SGCD: variants seen among roughly 807,000 people sequenced by gnomAD.
SGCD encodes the protein delta-sarcoglycan.
A neutral mutation model predicts 36.6 loss-of-function variants in SGCD; 18 were observed. The ratio of observed to expected loss-of-function variants is 0.49; its 90% CI spans 0.34 to 0.73. The LOEUF (loss-of-function observed/expected upper bound fraction) is 0.73, where lower values mean the gene tolerates loss of function less well. Among genes scored for constraint, SGCD ranks in the 30% least tolerant of loss-of-function variants. The pLI, the probability that SGCD is intolerant of heterozygous loss-of-function variation, is 0.01. For missense variants in SGCD, 387 were observed against 346.7 expected (o/e 1.12, Z -0.92); for synonymous variants, 133 against 130.6 (o/e 1.02, Z -0.12).
intron 7 of SGCD, among the ~76,000 whole-genome samples, chr5:156,650,657 G>A (rs920086550): frequency 6.6e-6 from 1 of 152,096 alleles, no homozygotes; most frequent in African/African-American, 2.4e-5. Flanking sequence ...TGCTGCAGAG[G>A]ACATGATTTT....
chr5:155,934,568 T>C (rs1757161188), intron 1 of SGCD, among the ~76,000 whole-genome samples: 1 of 152,200 alleles, frequency 6.6e-6, no homozygotes, highest in Admixed American at 6.5e-5. Flanking sequence ...TTTCAGTAGT[T>C]TGTGAGTTAT....
chr5:156,436,408 A>G (rs1236220680), intron 3 of SGCD, among the ~76,000 whole-genome samples: 1 of 152,258 alleles, frequency 6.6e-6, no homozygotes, highest in African/African-American at 2.4e-5. Flanking sequence ...TATTGAAATC[A>G]GTTGTCAAGT....
At chr5:155,965,643 T>C (rs1221856782) in intron 1 of SGCD, among the ~76,000 whole-genome samples, 2 of 152,092 alleles carry the variant, frequency 1.3e-5, no homozygotes, top group African/African-American at 4.8e-5. Flanking sequence ...TCCCTGGTGC[T>C]GTGCTCCTTG....
intron 3 of SGCD, among the ~76,000 whole-genome samples, chr5:156,406,790 T>TTATATATATATATATATATATATATA (rs200600544): frequency 7.9e-5 from 6 of 75,614 alleles, no homozygotes; most frequent in East Asian, 5.0e-4. Context: ...ATAGGAGATT[T>TTATATATATATATATATATATATATA]TATATATATA....
chr5:155,730,946 A>T, the SGCD span, among the ~76,000 whole-genome samples: 1 of 152,186 alleles, frequency 6.6e-6, no homozygotes, highest in African/African-American at 2.4e-5. Flanking sequence ...ACACTGGGTG[A>T]TTTAGCATGG....
At chr5:156,675,833 A>G (rs1753485827) in intron 7 of SGCD, among the ~76,000 whole-genome samples, 1 of 152,314 alleles carries the variant, frequency 6.6e-6, no homozygotes, top group Non-Finnish European at 1.5e-5. Flanking sequence ...CTCTAATACT[A>G]TAGTGTGATA....
the SGCD span, among the ~76,000 whole-genome samples, chr5:155,785,094 G>A: frequency 2.2e-4 from 33 of 151,998 alleles, no homozygotes; most frequent in African/African-American, 7.2e-4. Flanking sequence ...GTAATAGCAC[G>A]GTGTTCATAG....
At chr5:155,738,718 G>A in the SGCD span, among the ~76,000 whole-genome samples, 1 of 146,452 alleles carries the variant, frequency 6.8e-6, no homozygotes, top group Non-Finnish European at 1.5e-5. Context: ...GTGAGTGTGA[G>A]AGAGTGTGTG....
At chr5:155,883,720 G>A (rs981197285) in intron 1 of SGCD, among the ~76,000 whole-genome samples, 1 of 144,284 alleles carries the variant, frequency 6.9e-6, no homozygotes, top group East Asian at 2.1e-4. Context: ...GATAAATGAA[G>A]TGTGTACATA....
intron 1 of SGCD, among the ~76,000 whole-genome samples, chr5:155,901,595 T>C (rs1756391528): frequency 6.6e-6 from 1 of 152,158 alleles, no homozygotes; most frequent in Admixed American, 6.6e-5. Context: ...TTGAAAATGT[T>C]CACTAAGTCT....
intron 4 of SGCD, among the ~76,000 whole-genome samples, chr5:156,514,592 T>C (rs984709230): frequency 5.9e-5 from 9 of 152,236 alleles, no homozygotes; most frequent in African/African-American, 1.7e-4. Flanking sequence ...AAATCTTGGC[T>C]CTGCCTATCG....
chr5:156,082,278 T>C (rs1376920214), intron 1 of SGCD, among the ~76,000 whole-genome samples: 1 of 32,526 alleles, frequency 3.1e-5, no homozygotes, highest in Non-Finnish European at 5.8e-5. Context: ...GGCGGGGGGG[T>C]CCAGGGGGTG....
intron 3 of SGCD, among the ~76,000 whole-genome samples, chr5:156,307,006 T>C (rs1767231522): frequency 6.6e-6 from 1 of 151,852 alleles, no homozygotes; most frequent in Non-Finnish European, 1.5e-5. Flanking sequence ...ACCTGTGGTG[T>C]TTTTTGGTTG....
chr5:155,919,511 A>G (rs1438085761), intron 1 of SGCD, among the ~76,000 whole-genome samples: 1 of 152,140 alleles, frequency 6.6e-6, no homozygotes, highest in Non-Finnish European at 1.5e-5. Flanking sequence ...TCTCGGGTAA[A>G]CTGCTTCATT....
chr5:156,132,423 A>G (rs532301412), intron 3 of SGCD, among the ~76,000 whole-genome samples: 49 of 148,142 alleles, frequency 3.3e-4, no homozygotes, highest in Non-Finnish European at 6.7e-4. Context: ...TGTGCCTCAC[A>G]GCACAGCAGC....
chr5:156,588,041 C>T (rs1760565784), intron 4 of SGCD, among the ~76,000 whole-genome samples: 1 of 151,604 alleles, frequency 6.6e-6, no homozygotes. Context: ...CAGTAATATA[C>T]CAGATAGTGA....
chr5:156,497,440 G>A (rs564433029), intron 3 of SGCD, among the ~76,000 whole-genome samples: 2 of 152,218 alleles, frequency 1.3e-5, no homozygotes, highest in East Asian at 1.9e-4. Context: ...ATTACTGTTG[G>A]AAACCATGAA....
chr5:156,460,180 C>T (rs764445371), intron 3 of SGCD, among the ~76,000 whole-genome samples: 1 of 152,120 alleles, frequency 6.6e-6, no homozygotes, highest in Non-Finnish European at 1.5e-5. Flanking sequence ...GGGACAACTA[C>T]CCTCAACTGT....
At chr5:156,450,111 G>T (rs1432754937) in intron 3 of SGCD, among the ~76,000 whole-genome samples, 1 of 152,086 alleles carries the variant, frequency 6.6e-6, no homozygotes. Flanking sequence ...GAGGAGTCTG[G>T]TTAACAGTTG....
Sources: gnomAD v4.1 joint callset for allele counts (sites outside exome capture counted in the v4.1 genomes callset) on GRCh38, gnomAD v4.1.1 for gene constraint, MANE v1.5 for transcripts, NCBI Gene and HGNC (gene_info 2026-07-23, HGNC 2026-07-21) for gene names.